The following RGS8 variants were observed in gnomAD, a reference collection of about 807,000 sequenced individuals.
RGS8 encodes regulator of G protein signaling 8.
A neutral mutation model predicts 21.7 loss-of-function variants in RGS8; 8 were observed. The ratio of observed to expected loss-of-function variants is 0.37; its 90% CI spans 0.22 to 0.66. RGS8 has a LOEUF of 0.66. RGS8 is among the 30% of genes least tolerant of loss of function. RGS8 has a pLI of 0.59. For missense variants in RGS8, 157 were observed against 217.9 expected, an observed-to-expected ratio of 0.72 and a Z score of 1.76; for synonymous variants, 80 against 83.6, an observed-to-expected ratio of 0.96 and a Z score of 0.24.
At chr1:182,680,478 C>T (rs1035832916) in intron 1 of RGS8, among the ~76,000 whole-genome samples, 14 of 152,178 alleles carry the variant, frequency 9.2e-5, no homozygotes, top group Non-Finnish European at 1.9e-4. Context: ...AAAAGCCTCA[C>T]CTGAACACCC....
chr1:182,644,428 T>C (rs1261573009), downstream of RGS8: 1 of 152,228 alleles, frequency 6.6e-6, no homozygotes, highest in Non-Finnish European at 1.5e-5. Flanking sequence ...CCACATACCC[T>C]TGCTTAGCTG....
chr1:182,740,473 T>A, the RGS8 span, among the ~76,000 whole-genome samples: 1 of 151,812 alleles, frequency 6.6e-6, no homozygotes, highest in African/African-American at 2.4e-5. Context: ...TCAAAGGTCG[T>A]ACATCTATTA....
intron 1 of RGS8, among the ~76,000 whole-genome samples, chr1:182,683,812 G>A (rs1664619546): frequency 2.0e-5 from 3 of 152,022 alleles, no homozygotes; most frequent in African/African-American, 7.3e-5. Context: ...CTTCTGCATC[G>A]GAATGTGTGA....
chr1:182,703,124 G>C, the RGS8 span, among the ~76,000 whole-genome samples: 4 of 152,330 alleles, frequency 2.6e-5, no homozygotes, highest in Admixed American at 1.3e-4. Context: ...TCTTATCTGA[G>C]TAAATAATCC....
At chr1:182,662,497 T>C (rs1663640012) in intron 5 of RGS8, among the ~76,000 whole-genome samples, 1 of 152,184 alleles carries the variant, frequency 6.6e-6, no homozygotes, top group South Asian at 2.1e-4. Context: ...TATCCAGTAA[T>C]AGAGCTGGGT....
At chr1:182,656,020 G>C (rs1663258279) in intron 5 of RGS8, among the ~76,000 whole-genome samples, 1 of 152,194 alleles carries the variant, frequency 6.6e-6, no homozygotes, top group African/African-American at 2.4e-5. Flanking sequence ...ATAATGTCAG[G>C]ACTTACTGAA....
chr1:182,695,864 T>C, the RGS8 span, among the ~76,000 whole-genome samples: 1 of 152,208 alleles, frequency 6.6e-6, no homozygotes, highest in African/African-American at 2.4e-5. Flanking sequence ...TTGGGTTATA[T>C]ACATTCTGTA....
chr1:182,739,502 A>G, the RGS8 span, among the ~76,000 whole-genome samples: 2 of 152,312 alleles, frequency 1.3e-5, no homozygotes, highest in South Asian at 4.1e-4. Context: ...GGCATTTATG[A>G]AGAATTGGGG....
At chr1:182,690,125 T>C in the RGS8 span, among the ~76,000 whole-genome samples, 1 of 152,012 alleles carries the variant, frequency 6.6e-6, no homozygotes, top group Non-Finnish European at 1.5e-5. Context: ...GGTCTTTTCC[T>C]GGAAAAGAGG....
At chr1:182,706,917 G>A in the RGS8 span, among the ~76,000 whole-genome samples, 2 of 151,944 alleles carry the variant, frequency 1.3e-5, no homozygotes, top group Non-Finnish European at 1.5e-5. Flanking sequence ...AAGTATCTTA[G>A]GAGGCCAAGG....
chr1:182,690,502 T>G, the RGS8 span, among the ~76,000 whole-genome samples: 1 of 152,248 alleles, frequency 6.6e-6, no homozygotes, highest in East Asian at 1.9e-4. Context: ...TATCAGTATC[T>G]AGCTCTGTCC....
chr1:182,705,749 C>G, the RGS8 span, among the ~76,000 whole-genome samples: 1 of 152,110 alleles, frequency 6.6e-6, no homozygotes, highest in African/African-American at 2.4e-5. Context: ...AGAGAGTTGC[C>G]AGTTCCTTCC....
Position 182,654,420 on chromosome 1 carries a change from T to G in RGS8, c.194-6117A>C, listed in dbSNP as rs978850386. ...GAGAAAAACAGCAAGAAAAGGGACA[T>G]ATTTGTGATATGTCAAGTCAAACAG... On this transcript the variant is annotated intron_variant, in intron 5 of 6. Coordinates refer to ENST00000483095, the Ensembl canonical transcript of RGS8. Among the ~76,000 whole-genome samples the G allele has an allele frequency of 2.0e-5, 3 of 152,132 alleles. No individual in the cohort carries two copies. In the East Asian group the frequency reaches 5.8e-4, roughly 29 times the overall value.
At chr1:182,736,699 T>C in the RGS8 span, among the ~76,000 whole-genome samples, 1 of 152,178 alleles carries the variant, frequency 6.6e-6, no homozygotes, top group Non-Finnish European at 1.5e-5. Flanking sequence ...TACCATGCAG[T>C]GTGCGCTGGA....
At chr1:182,719,527 T>C in the RGS8 span, among the ~76,000 whole-genome samples, 1 of 150,280 alleles carries the variant, frequency 6.7e-6, no homozygotes, top group Admixed American at 6.6e-5. Context: ...ACTTCCCAGG[T>C]TCAAGCAATC....
intron 5 of RGS8, among the ~76,000 whole-genome samples, chr1:182,650,774 A>AC (rs1662974551): frequency 6.6e-6 from 1 of 152,086 alleles, no homozygotes; most frequent in Non-Finnish European, 1.5e-5. Flanking sequence ...GATCACCTGA[A>AC]CCCTAGAGGT....
At chr1:182,680,204 GCCC>G (rs1664495203) in intron 1 of RGS8, among the ~76,000 whole-genome samples, 1 of 152,050 alleles carries the variant, frequency 6.6e-6, no homozygotes, top group East Asian at 1.9e-4. Flanking sequence ...AAACCTTTAA[GCCC>G]TCCTACTCTA....
the RGS8 span, among the ~76,000 whole-genome samples, chr1:182,746,606 C>T: frequency 1.3e-5 from 2 of 151,576 alleles, no homozygotes; most frequent in East Asian, 1.9e-4. Context: ...GAGTGGAGAT[C>T]GCGCCACTGC....
the RGS8 span, among the ~76,000 whole-genome samples, chr1:182,742,176 G>C: frequency 6.6e-6 from 1 of 150,714 alleles, no homozygotes; most frequent in Non-Finnish European, 1.5e-5. Flanking sequence ...CTTCCCAGAT[G>C]TGATGGCGGC....
Sources: gnomAD v4.1 joint callset for allele counts (sites outside exome capture counted in the v4.1 genomes callset) on GRCh38, gnomAD v4.1.1 for gene constraint, MANE v1.5 for transcripts, NCBI Gene and HGNC (gene_info 2026-07-23, HGNC 2026-07-21) for gene names.